The following GLE1 variants were observed in gnomAD, a reference collection of about 807,000 sequenced individuals.
GLE1 encodes GLE1 RNA export mediator.
GLE1 carries 78 observed loss-of-function variants against 97.3 expected under a neutral mutation model. That is an observed-to-expected ratio of 0.80 (90% CI 0.67 to 0.97). The LOEUF (loss-of-function observed/expected upper bound fraction) is 0.97. Among genes scored for constraint, GLE1 ranks in the 50% least tolerant of loss-of-function variants. The pLI, the probability that GLE1 is intolerant of heterozygous loss-of-function variation, is 0.00. For synonymous variants in GLE1, 302 were observed against 313.4 expected (o/e 0.96, Z 0.39); for missense variants, 753 against 857.5 (o/e 0.88, Z 1.52).
At chr9:128,536,614 A>G in intron 12 of GLE1, 130 bp downstream of exon 12, 1 of 786,894 alleles carries the variant, frequency 1.3e-6, no homozygotes, top group Non-Finnish European at 2.2e-6. Context: ...TGGCAGTTTC[A>G]TGGGTATTAT....
At position 128,539,670 on chromosome 9, in the gene GLE1, A is replaced by C; in HGVS notation, c.1936A>C (p.Ile646Leu). The change falls in exon 14 of 16, where the codon ATT becomes CTT. Residue 646 changes from isoleucine to leucine, a missense_variant. By Grantham distance (5) the Ile-to-Leu change is conservative. Coordinates refer to ENST00000309971, the MANE Select transcript of GLE1 (RefSeq NM_001003722.2). ...CCAGGTTCAGTTCTGGAAGATGCTA[A>C]TTCTCATCAAAGAGGACTACTTTCC... ...QYQVQFWKML[I>L]LIKEDYFPRI... 1 of 1,612,188 alleles carries C rather than the reference A, an allele frequency of 6.2e-7. No individual in the cohort carries two copies. Among genetic ancestry groups the C allele is most frequent in the South Asian group, 1.1e-5 (1 of 91,032 alleles).
chr9:128,537,781 A>T (rs1363651588), intron 12 of GLE1, among the ~76,000 whole-genome samples: 1 of 152,174 alleles, frequency 6.6e-6, no homozygotes, highest in Non-Finnish European at 1.5e-5. Flanking sequence ...TAGCACTCCA[A>T]CCTGGACAAC....
chr9:128,520,400 GTGTATATATGTATATATA>G (rs1382137228), intron 3 of GLE1, among the ~76,000 whole-genome samples: 48 of 147,760 alleles, frequency 3.2e-4, no homozygotes, highest in Admixed American at 8.2e-4. Context: ...ATATGTATGT[GTGTATATATGTATATATA>G]TGTATATATG....
Position 128,504,879 on chromosome 9 carries a change from A to G in GLE1, c.74A>G (p.Tyr25Cys). 6.2e-7 allele frequency: 1 copy of G among 1,611,722 alleles called. No individual in the cohort carries two copies. Among genetic ancestry groups the G allele is most frequent in the Non-Finnish European group, 8.5e-7 (1 of 1,177,886 alleles). ...RSSDKGRLCY[Y>C]RDWLLRREDV... ...TCCGACAAAGGTCGCCTTTGCTACT[A>G]CCGCGACTGGCTGCTGCGGCGCGAG... Residue 25 changes from tyrosine (Y) to cysteine (C), a missense_variant, in exon 1 of 16, where the codon TAC (tyrosine) becomes TGC (cysteine). By Grantham distance (194) the Tyr-to-Cys change is radical (BLOSUM62 -2). Coordinates refer to ENST00000309971, the MANE Select transcript of GLE1 (RefSeq NM_001003722.2).
chr9:128,539,493 G>A, intron 13 of GLE1, 123 bp from the exon 14 acceptor site: 1 of 776,030 alleles, frequency 1.3e-6, no homozygotes. Context: ...AGCAAGTTCA[G>A]TGGCATTGTG....
At chr9:128,540,366 C>T (rs377706631) in intron 15 of GLE1, 28 bp downstream of exon 15, 29 of 1,458,418 alleles carry the variant, frequency 2.0e-5, no homozygotes, top group Non-Finnish European at 2.6e-5. Context: ...CAACATGCCC[C>T]ACACTGTTGT....
chr9:128,536,729 C>T, intron 12 of GLE1: 1 of 435,950 alleles, frequency 2.3e-6, no homozygotes, highest in South Asian at 2.1e-5. Flanking sequence ...TGTTATAAAT[C>T]AGTCATTAAG....
chr9:128,515,617 T>C lies in GLE1; in HGVS notation c.410T>C (p.Leu137Pro), dbSNP rs761658624. The C allele has an allele frequency of 8.2e-6, 13 of 1,587,410 alleles. No individual in the cohort carries two copies. The highest frequency in any genetic ancestry group is 5.0e-5 in the Admixed American group (3 of 59,966). The stretch of plus-strand genomic sequence containing the variant: ...GAAGGCTGCGTCCGAATGTACGAAC[T>C]GGTACACAGAATGAAAGGAACAGTA... ...KVEGCVRMYE[L>P]VHRMKGTEGL... is the part of the protein sequence containing the mutation. The change falls in exon 3 of 16, where the codon CTG becomes CCG. Residue 137 changes from leucine to proline, a missense_variant. Coordinates refer to ENST00000309971, the MANE Select transcript of GLE1 (RefSeq NM_001003722.2).
chr9:128,514,879 C>T (rs1017062918), intron 2 of GLE1, among the ~76,000 whole-genome samples: 2 of 151,926 alleles, frequency 1.3e-5, no homozygotes, highest in Non-Finnish European at 1.5e-5. Flanking sequence ...TGCAGTGGCG[C>T]GATCTCAGCT....
intron 3 of GLE1, among the ~76,000 whole-genome samples, chr9:128,519,953 T>C (rs1190335948): frequency 1.3e-5 from 2 of 152,136 alleles, no homozygotes; most frequent in Non-Finnish European, 2.9e-5. Context: ...TACATGACTA[T>C]TGGGGCAGGT....
chr9:128,511,479 G>A lies in GLE1; in HGVS notation c.321+2382G>A, dbSNP rs556679386. The stretch of plus-strand genomic sequence containing the variant: ...TCCCAGCACTTTGGGAGGCCAAGGC[G>A]GGTGGATCACTAGGTCAGGAGATCA... On this transcript the variant is annotated intron_variant, in intron 2 of 15. Transcript: ENST00000309971. Among the ~76,000 whole-genome samples, 11 of 151,686 alleles carry A rather than the reference G, an allele frequency of 7.3e-5. No homozygotes were observed. In the South Asian group the frequency reaches 2.3e-3, roughly 31 times the overall value.
chr9:128,531,811 G>A (rs1847517860), intron 9 of GLE1, among the ~76,000 whole-genome samples: 1 of 131,490 alleles, frequency 7.6e-6, no homozygotes, highest in Admixed American at 8.6e-5. Context: ...TAGCCTGGGT[G>A]ACAGAGTGAG....
At position 128,525,379 on chromosome 9, in the gene GLE1, A is replaced by T; in HGVS notation, c.1085A>T (p.Glu362Val). Residue 362 changes from glutamate to valine, a missense_variant, in exon 7 of 16, where the codon GAG becomes GTG. By Grantham distance (121) the Glu-to-Val change is moderately radical. Transcript: ENST00000309971. Reference sequence around the variant, plus strand: ...CAGCAGGGACCAGAGGCCCACAAAGAGCCCCCAGCTCCCAGCCAGGGCCCA... The same window carrying T: ...CAGCAGGGACCAGAGGCCCACAAAGTGCCCCCAGCTCCCAGCCAGGGCCCA... The part of the protein sequence containing the change: ...QMQQGPEAHK[E>V]PPAPSQGPGG... 1 of 1,611,844 alleles carries T rather than the reference A, an allele frequency of 6.2e-7. No homozygotes were observed. The highest frequency in any genetic ancestry group is 1.1e-5 in the South Asian group (1 of 90,780).
At chr9:128,529,549 A>G (rs777646393) in intron 9 of GLE1, among the ~76,000 whole-genome samples, 1 of 151,662 alleles carries the variant, frequency 6.6e-6, no homozygotes, top group Non-Finnish European at 1.5e-5. Flanking sequence ...CCTTGATCCT[A>G]TGTCTTCTAA....
In GLE1 at chr9:128,515,569, A is replaced by G. The variant is rs890549653; in HGVS notation, c.362A>G (p.Gln121Arg). Reference protein sequence around the residue: ...ESQHTESMVLQSSRGIKVEGC... With the variant: ...ESQHTESMVLRSSRGIKVEGC... The stretch of plus-strand genomic sequence containing the variant: ...CAGCACACAGAATCTATGGTACTTC[A>G]GTCCTCACGGGGGATCAAAGTGGAA... Residue 121 changes from glutamine (Q) to arginine (R), a missense_variant, in exon 3 of 16, where the codon CAG becomes CGG. Physicochemically the swap from Gln to Arg is conservative, Grantham distance 43. Coordinates refer to ENST00000309971, the MANE Select transcript of GLE1 (RefSeq NM_001003722.2). The G allele has an allele frequency of 1.9e-6, 3 of 1,606,860 alleles. No individual in the cohort carries two copies. Among genetic ancestry groups the G allele is most frequent in the African/African-American group, 2.7e-5 (2 of 74,790 alleles).
intron 6 of GLE1, among the ~76,000 whole-genome samples, chr9:128,524,644 C>T (rs2132463245): frequency 6.9e-6 from 1 of 144,924 alleles, no homozygotes; most frequent in African/African-American, 2.5e-5. Flanking sequence ...CTCCGGCTTC[C>T]AGGTTCAAGC....
chr9:128,537,831 A>C (rs1241845643), intron 12 of GLE1, among the ~76,000 whole-genome samples, 155 bp from the exon 13 acceptor site: 1 of 152,092 alleles, frequency 6.6e-6, no homozygotes, highest in East Asian at 1.9e-4. Context: ...AGAAAAACAG[A>C]ATTTGTTTAG....
In GLE1 at chr9:128,515,575, C is replaced by T; in HGVS notation, c.368C>T (p.Ser123Leu). The T allele has an allele frequency of 6.2e-7, 1 of 1,609,130 alleles. No homozygotes were observed. Among genetic ancestry groups the T allele is most frequent in the Non-Finnish European group, 8.5e-7 (1 of 1,175,466 alleles). Residue 123 changes from serine to leucine, a missense_variant, in exon 3 of 16, where the codon TCA (serine) becomes TTA (leucine). Ser to Leu is a moderately radical substitution (Grantham distance 145). Transcript: ENST00000309971. The stretch of plus-strand genomic sequence containing the variant: ...ACAGAATCTATGGTACTTCAGTCCT[C>T]ACGGGGGATCAAAGTGGAAGGCTGC... The part of the protein sequence containing the change: ...QHTESMVLQS[S>L]RGIKVEGCVR...
Position 128,527,503 on chromosome 9 carries a change from G to A in GLE1, c.1290G>A (p.Val430=), listed in dbSNP as rs142588240. The A allele has an allele frequency of 3.1e-6, 5 of 1,611,936 alleles. No homozygotes were observed. Among genetic ancestry groups the A allele is most frequent in the South Asian group, 2.2e-5 (2 of 91,034 alleles). Residue 430 remains valine, a synonymous_variant, in exon 9 of 16, where the codon GTG becomes GTA. Transcript: ENST00000309971. ...MDLQKAATIP[V]SQISTIAGSK... ...TCCAGAAGGCTGCTACCATCCCAGT[G>A]AGCCAAATCTCTACCATTGCAGGTT... is the stretch of plus-strand genomic sequence containing the variant.
Sources: gnomAD v4.1 joint callset for allele counts (sites outside exome capture counted in the v4.1 genomes callset) on GRCh38, gnomAD v4.1.1 for gene constraint, MANE v1.5 for transcripts, NCBI Gene and HGNC (gene_info 2026-07-23, HGNC 2026-07-21) for gene names.